NELL1: variants seen among roughly 807,000 people sequenced by gnomAD.
The protein encoded by NELL1 is neural EGFL like 1, also known as protein kinase C-binding protein NELL1.
In NELL1, 76 loss-of-function variants were observed where a neutral mutation model predicts 107.4. That is an observed-to-expected ratio of 0.71 (90% CI 0.59 to 0.86). The LOEUF (loss-of-function observed/expected upper bound fraction) is 0.86, where lower values mean the gene tolerates loss of function less well. Among genes scored for constraint, NELL1 ranks in the 40% least tolerant of loss-of-function variants. NELL1 has a pLI of 0.00. For missense variants in NELL1, 1,024 were observed against 1,005.5 expected (o/e 1.02, Z -0.25); for synonymous variants, 353 against 341.2 (o/e 1.03, Z -0.38).
chr11:21,122,882 C>A (rs575059994), intron 13 of NELL1, among the ~76,000 whole-genome samples: 3 of 152,126 alleles, frequency 2.0e-5, no homozygotes, highest in Non-Finnish European at 4.4e-5. Context: ...AATGACTGTG[C>A]GGACAGGTTT....
At chr11:20,883,984 A>G (rs1849457562) in intron 4 of NELL1, among the ~76,000 whole-genome samples, 1 of 152,220 alleles carries the variant, frequency 6.6e-6, no homozygotes, top group Admixed American at 6.5e-5. Context: ...TGTAAAGAAA[A>G]CACATTCTGT....
intron 2 of NELL1, among the ~76,000 whole-genome samples, chr11:20,755,570 T>C (rs78194980): frequency 5.5e-5 from 7 of 127,058 alleles, no homozygotes; most frequent in African/African-American, 2.1e-4. Context: ...TTGTTTTTTT[T>C]TTTTTGAGAC....
At chr11:20,693,695 C>T (rs201048192) in intron 2 of NELL1, among the ~76,000 whole-genome samples, 1 of 152,014 alleles carries the variant, frequency 6.6e-6, no homozygotes, top group African/African-American at 2.4e-5. Flanking sequence ...GTAACCCGAC[C>T]TTTCTCTCTG....
intron 2 of NELL1, among the ~76,000 whole-genome samples, chr11:20,699,524 C>T (rs11025700): frequency 2.6e-5 from 4 of 152,058 alleles, no homozygotes; most frequent in Non-Finnish European, 4.4e-5. Context: ...CCATGCCCAA[C>T]TAATTTGTGT....
chr11:21,387,235 C>T (rs962048755), intron 15 of NELL1, among the ~76,000 whole-genome samples: 1 of 151,806 alleles, frequency 6.6e-6, no homozygotes, highest in Non-Finnish European at 1.5e-5. Flanking sequence ...ATTAAAATTG[C>T]AATACTGAAT....
chr11:21,398,149 C>T (rs532420468), intron 15 of NELL1, among the ~76,000 whole-genome samples: 3 of 151,460 alleles, frequency 2.0e-5, no homozygotes, highest in Non-Finnish European at 4.4e-5. Flanking sequence ...AATTTATGAA[C>T]GAGATTATAC....
chr11:21,182,088 G>A (rs1476951541), intron 13 of NELL1, among the ~76,000 whole-genome samples: 1 of 151,858 alleles, frequency 6.6e-6, no homozygotes, highest in Admixed American at 6.6e-5. Context: ...ACCAGATGGT[G>A]GAGCTGAGAT....
At chr11:21,527,699 C>A (rs1855889309) in intron 15 of NELL1, among the ~76,000 whole-genome samples, 1 of 152,226 alleles carries the variant, frequency 6.6e-6, no homozygotes, top group South Asian at 2.1e-4. Flanking sequence ...GTGCAGCCTT[C>A]AGCCTATGGC....
chr11:21,259,236 G>A (rs1165688772), intron 14 of NELL1, among the ~76,000 whole-genome samples: 2 of 151,832 alleles, frequency 1.3e-5, no homozygotes, highest in East Asian at 1.9e-4. Context: ...TTATAATCTA[G>A]ATGGAGAAAC....
intron 15 of NELL1, among the ~76,000 whole-genome samples, chr11:21,493,795 T>C (rs1301509435): frequency 6.6e-6 from 1 of 152,070 alleles, no homozygotes; most frequent in Non-Finnish European, 1.5e-5. Context: ...GTGTAGGTGA[T>C]AGATACCACA....
chr11:20,968,559 G>A lies in NELL1; in HGVS notation c.1300+7999G>A, dbSNP rs538374705. Reference sequence around the variant, plus strand: ...TGTGTTAACTTTATTTCATATGAACGTCACTGCCTTTATTTGCTACGGAAT... The same window carrying A: ...TGTGTTAACTTTATTTCATATGAACATCACTGCCTTTATTTGCTACGGAAT... On this transcript the variant is annotated intron_variant, in intron 12 of 19. Transcript: ENST00000357134. Among the ~76,000 whole-genome samples the A allele has an allele frequency of 2.0e-5, 3 of 152,314 alleles. No individual in the cohort carries two copies. In the East Asian group the frequency reaches 5.8e-4, roughly 29 times the overall value.
intron 2 of NELL1, among the ~76,000 whole-genome samples, chr11:20,679,734 T>C (rs1004325161): frequency 2.0e-5 from 3 of 152,122 alleles, no homozygotes; most frequent in Non-Finnish European, 4.4e-5. Context: ...TATGGAAACC[T>C]GGCTGGTCTG....
chr11:21,573,842 A>C (rs943284193), intron 19 of NELL1, among the ~76,000 whole-genome samples: 2 of 151,826 alleles, frequency 1.3e-5, no homozygotes, highest in Non-Finnish European at 2.9e-5. Context: ...AAAAGTTTCT[A>C]AGTTCTTTTA....
At chr11:21,034,958 C>A (rs1478466918) in intron 12 of NELL1, among the ~76,000 whole-genome samples, 1 of 151,884 alleles carries the variant, frequency 6.6e-6, no homozygotes, top group African/African-American at 2.4e-5. Flanking sequence ...GAAACTCATT[C>A]TTTGAAAAAA....
chr11:20,840,603 A>T (rs889920531), intron 3 of NELL1, among the ~76,000 whole-genome samples: 1 of 152,222 alleles, frequency 6.6e-6, no homozygotes, highest in Non-Finnish European at 1.5e-5. Flanking sequence ...TCCTCACAGC[A>T]AGGTGGCCTC....
chr11:21,449,284 G>C (rs185575565), intron 15 of NELL1, among the ~76,000 whole-genome samples: 1 of 151,332 alleles, frequency 6.6e-6, no homozygotes, highest in African/African-American at 2.4e-5. Flanking sequence ...TTTTTTGTTT[G>C]TGGCTGAAAT....
At chr11:21,308,059 A>G (rs114257357) in intron 14 of NELL1, among the ~76,000 whole-genome samples, 2,705 of 152,142 alleles carry the variant, frequency 0.018, 87 homozygotes, top group African/African-American at 0.062. Flanking sequence ...ACATAGCTCT[A>G]GGTTGGAACG....
chr11:21,533,924 C>G (rs1464366835), intron 15 of NELL1, among the ~76,000 whole-genome samples: 1 of 152,062 alleles, frequency 6.6e-6, no homozygotes, highest in African/African-American at 2.4e-5. Flanking sequence ...CTGGGGCTGT[C>G]ATTTAAAAAA....
chr11:21,377,829 G>T (rs1367475640), intron 15 of NELL1, among the ~76,000 whole-genome samples: 1 of 152,032 alleles, frequency 6.6e-6, no homozygotes, highest in East Asian at 1.9e-4. Flanking sequence ...GTATGTAGTG[G>T]TGTTCATAAT....
Sources: gnomAD v4.1 joint callset for allele counts (sites outside exome capture counted in the v4.1 genomes callset) on GRCh38, gnomAD v4.1.1 for gene constraint, MANE v1.5 for transcripts, NCBI Gene and HGNC (gene_info 2026-07-23, HGNC 2026-07-21) for gene names.